The following ZGRF1 variants were observed in gnomAD, a reference collection of about 807,000 sequenced individuals.
ZGRF1 encodes the protein 5'-3' DNA helicase ZGRF1.
Under a neutral mutation model 203.5 loss-of-function variants are expected in ZGRF1, and 196 were observed. The ratio of observed to expected loss-of-function variants is 0.96; its 90% CI spans 0.86 to 1.08. ZGRF1 has a LOEUF of 1.08. Ranked by LOEUF, ZGRF1 falls within the 50% of genes least tolerant of loss-of-function variation. The pLI is 0.00. For missense variants in ZGRF1, 2,326 were observed against 2,416.3 expected, an observed-to-expected ratio of 0.96 and a Z score of 0.78; for synonymous variants, 809 against 841.3, an observed-to-expected ratio of 0.96 and a Z score of 0.66.
intron 11 of ZGRF1, among the ~76,000 whole-genome samples, chr4:112,588,946 A>C (rs556970039): frequency 6.6e-6 from 1 of 152,308 alleles, no homozygotes; most frequent in East Asian, 1.9e-4. Context: ...CTACCATATC[A>C]CTTTTTCTTG....
At chr4:112,550,010 G>A (rs971899808) in intron 22 of ZGRF1, among the ~76,000 whole-genome samples, 2 of 152,174 alleles carry the variant, frequency 1.3e-5, no homozygotes, top group South Asian at 2.1e-4. Context: ...GGCTAACATG[G>A]TGAAACCCCG....
chr4:112,614,393 G>A (rs1359208130), intron 6 of ZGRF1, among the ~76,000 whole-genome samples: 1 of 152,182 alleles, frequency 6.6e-6, no homozygotes, highest in Non-Finnish European at 1.5e-5. Flanking sequence ...AGCAAAAAAC[G>A]AATTGCCTGA....
chr4:112,627,866 T>C (rs1357552052), intron 3 of ZGRF1, among the ~76,000 whole-genome samples: 1 of 152,266 alleles, frequency 6.6e-6, no homozygotes, highest in Non-Finnish European at 1.5e-5. Flanking sequence ...ACTTTAGCTT[T>C]ATACTGCATC....
chr4:112,581,434 TAAAAATAAAAATAAATAA>T (rs1443788728), intron 16 of ZGRF1, among the ~76,000 whole-genome samples: 1 of 150,382 alleles, frequency 6.6e-6, no homozygotes, highest in East Asian at 1.9e-4. Flanking sequence ...ATAATAAAAA[TAAAAATAAAAATAAATAA>T]AAAAATAAAA....
intron 8 of ZGRF1, among the ~76,000 whole-genome samples, chr4:112,606,556 G>A (rs893448802): frequency 2.0e-5 from 3 of 151,826 alleles, no homozygotes; most frequent in African/African-American, 4.8e-5. Context: ...AGCTACTCAG[G>A]AGGCTGAGGC....
At chr4:112,576,542 C>T (rs1055408301) in intron 16 of ZGRF1, among the ~76,000 whole-genome samples, 11 of 152,148 alleles carry the variant, frequency 7.2e-5, no homozygotes, top group Admixed American at 1.3e-4. Flanking sequence ...AAAAATTAGA[C>T]GAATGGCTAA....
chr4:112,615,594 CT>C (rs904788636), intron 6 of ZGRF1, among the ~76,000 whole-genome samples: 2 of 150,162 alleles, frequency 1.3e-5, no homozygotes, highest in African/African-American at 4.9e-5. Flanking sequence ...TATCACATAA[CT>C]TTATCTACTC....
intron 5 of ZGRF1, 34 bp from the exon 6 acceptor site, chr4:112,619,724 T>C (rs1324748108): frequency 1.4e-6 from 2 of 1,458,134 alleles, no homozygotes; most frequent in African/African-American, 1.4e-5. Flanking sequence ...AGGTGTACCA[T>C]TACCCATTAA....
chr4:112,549,194 G>C (rs906106572), intron 22 of ZGRF1, among the ~76,000 whole-genome samples: 7 of 151,958 alleles, frequency 4.6e-5, no homozygotes, highest in African/African-American at 1.7e-4. Context: ...AAGTGTATTT[G>C]AATCTTGTAA....
intron 10 of ZGRF1, among the ~76,000 whole-genome samples, chr4:112,590,659 C>A (rs1747996882): frequency 6.6e-6 from 1 of 152,022 alleles, no homozygotes; most frequent in Non-Finnish European, 1.5e-5. Flanking sequence ...GGCGCAGTGG[C>A]TCACTCCTGT....
intron 14 of ZGRF1, 47 bp downstream of exon 14, chr4:112,585,494 T>A (rs757101460): frequency 1.3e-6 from 2 of 1,499,638 alleles, no homozygotes; most frequent in African/African-American, 2.8e-5. Flanking sequence ...CTAAACCCTT[T>A]ATAAGACAAG....
Position 112,623,816 on chromosome 4 carries a change from C to A in ZGRF1, c.162+1G>T. 2 of 1,531,858 alleles carry A rather than the reference C, an allele frequency of 1.3e-6. No individual in the cohort carries two copies. The highest frequency in any genetic ancestry group is 2.3e-5 in the East Asian group (1 of 44,034). The allele number at this position is 1,531,858 out of a possible 1,614,324, so 94.9% of individuals were successfully genotyped here. A position where few individuals can be genotyped will look rare whatever the true frequency, so the allele number is the denominator to read the frequency against. ...AAAATAAGATAAACACACTAAAATA[C>A]CTCAAGGCATTTAAGAAACAGACTC... On this transcript the variant is annotated splice_donor_variant, in intron 4 of 27. Transcript: ENST00000505019. LOFTEE classifies it high-confidence loss of function.
intron 10 of ZGRF1, among the ~76,000 whole-genome samples, chr4:112,596,858 G>A (rs1749106572): frequency 6.6e-6 from 1 of 152,116 alleles, no homozygotes; most frequent in Non-Finnish European, 1.5e-5. Context: ...CTCCCCAAGT[G>A]CTGGGATTAT....
chr4:112,539,497 TA>T lies in ZGRF1; in HGVS notation c.*49del. ...ATAAAAATATAAAAAATATATCATG[TA>T]AAATGAGTCTGAATTTACATAAATA... On this transcript the variant is annotated 3_prime_UTR_variant, in exon 28 of 28. Coordinates refer to ENST00000505019, the MANE Select transcript of ZGRF1 (RefSeq NM_018392.5). 1 of 925,138 alleles carries T rather than the reference TA, an allele frequency of 1.1e-6. No individual in the cohort carries two copies. Among genetic ancestry groups the T allele is most frequent in the Non-Finnish European group, 1.6e-6 (1 of 616,814 alleles). 57.3% of individuals were successfully genotyped at this position (925,138 alleles called of 1,614,324 possible).
rs547327546 is a variant in ZGRF1 at position 112,632,372 on chromosome 4, A to C, written c.22-362T>G. Among the ~76,000 whole-genome samples, 100 of 152,268 alleles carry C rather than the reference A, an allele frequency of 6.6e-4. 5 individuals carry two copies. In the South Asian group the frequency reaches 0.02, roughly 30 times the overall value. ...TCCCTAGTCATCAATTGGAAGGGAA[A>C]AAAATTACTGGATTACACAGTACTA... On this transcript the variant is annotated intron_variant, in intron 2 of 27. Coordinates refer to ENST00000505019, the MANE Select transcript of ZGRF1 (RefSeq NM_018392.5).
At chr4:112,546,985 C>A in intron 24 of ZGRF1, 1 of 191,924 alleles carries the variant, frequency 5.2e-6, no homozygotes, top group East Asian at 1.3e-4. Flanking sequence ...AAATTATTTA[C>A]AATGTGAAGT....
intron 20 of ZGRF1, among the ~76,000 whole-genome samples, chr4:112,556,351 A>G (rs1740943974): frequency 6.6e-6 from 1 of 152,200 alleles, no homozygotes; most frequent in South Asian, 2.1e-4. Flanking sequence ...TGTATGGTAT[A>G]AGAAAATCAT....
intron 18 of ZGRF1, 192 bp from the exon 19 acceptor site, chr4:112,561,187 CGTTT>C: frequency 1.8e-6 from 1 of 559,582 alleles, no homozygotes; most frequent in Non-Finnish European, 3.2e-6. Flanking sequence ...AGAGAACTGA[CGTTT>C]GTTGAATACT....
rs767821764 is a variant in ZGRF1 at position 112,618,076 on chromosome 4, C to T, written c.1966G>A (p.Gly656Arg). The change falls in exon 6 of 28, where the codon GGA (glycine) becomes AGA (arginine). Residue 656 changes from glycine to arginine, a missense_variant. Gly to Arg is a moderately radical substitution (Grantham distance 125). Coordinates refer to ENST00000505019, the MANE Select transcript of ZGRF1 (RefSeq NM_018392.5). ...ESFKWTDAVY[G>R]DNKEDANKPI... ...TTATTAGCATCTTCTTTATTATCTC[C>T]GTATACAGCATCAGTCCACTTGAAA... The T allele has an allele frequency of 9.3e-6, 15 of 1,613,744 alleles. No individual in the cohort carries two copies. Among genetic ancestry groups the T allele is most frequent in the African/African-American group, 5.3e-5 (4 of 74,990 alleles).
Sources: gnomAD v4.1 joint callset for allele counts (sites outside exome capture counted in the v4.1 genomes callset) on GRCh38, gnomAD v4.1.1 for gene constraint, MANE v1.5 for transcripts, NCBI Gene and HGNC (gene_info 2026-07-23, HGNC 2026-07-21) for gene names.